Variants in GPHN observed in about 807,000 individuals in gnomAD.
GPHN encodes gephyrin.
A neutral mutation model predicts 95.5 loss-of-function variants in GPHN; 17 were observed. The observed-to-expected ratio is 0.18, with a 90% CI of 0.12 to 0.27. The LOEUF (loss-of-function observed/expected upper bound fraction) is 0.27, where lower values mean the gene tolerates loss of function less well. GPHN is among the 10% of genes least tolerant of loss of function. GPHN has a pLI of 1.00. For missense variants in GPHN, 660 were observed against 978.1 expected (o/e 0.67, Z 4.34); for synonymous variants, 320 against 322.5 (o/e 0.99, Z 0.08).
intron 8 of GPHN, among the ~76,000 whole-genome samples, chr14:66,954,175 C>T (rs1367115591): frequency 6.6e-6 from 1 of 152,158 alleles, no homozygotes; most frequent in Non-Finnish European, 1.5e-5. Flanking sequence ...CTGCAAAACA[C>T]ACCAGTGGGA....
chr14:67,189,941 A>G, the GPHN span, among the ~76,000 whole-genome samples: 1 of 149,786 alleles, frequency 6.7e-6, no homozygotes, highest in African/African-American at 2.5e-5. Context: ...CCTGGGTTCA[A>G]GTGATTCTCC....
the GPHN span, chr14:67,412,012 A>G: frequency 6.5e-7 from 1 of 1,549,624 alleles, no homozygotes; most frequent in Non-Finnish European, 8.7e-7. Context: ...CTCGACGCGC[A>G]CTCACCCTCT....
intron 4 of GPHN, among the ~76,000 whole-genome samples, chr14:66,838,515 C>A (rs935158691): frequency 1.8e-4 from 27 of 152,098 alleles, no homozygotes; most frequent in Non-Finnish European, 3.1e-4. Flanking sequence ...AATCACCTTT[C>A]CAGTTCACCC....
At chr14:67,075,723 T>G (rs1422478352) in intron 11 of GPHN, among the ~76,000 whole-genome samples, 1 of 152,162 alleles carries the variant, frequency 6.6e-6, no homozygotes, top group African/African-American at 2.4e-5. Context: ...GTGGAAGAAG[T>G]AACTACGATG....
intron 2 of GPHN, among the ~76,000 whole-genome samples, chr14:66,706,669 G>A (rs969877996): frequency 1.3e-5 from 2 of 152,132 alleles, no homozygotes; most frequent in Non-Finnish European, 2.9e-5. Flanking sequence ...AACTCAAGAT[G>A]TGTTAAAGAC....
the GPHN span, among the ~76,000 whole-genome samples, chr14:67,577,022 G>T: frequency 6.6e-6 from 1 of 152,182 alleles, no homozygotes; most frequent in African/African-American, 2.4e-5. Flanking sequence ...CAGTAAGAAA[G>T]AGGCCTCCCC....
At chr14:67,297,800 A>G in the GPHN span, among the ~76,000 whole-genome samples, 51 of 152,238 alleles carry the variant, frequency 3.4e-4, no homozygotes, top group East Asian at 1.3e-3. Flanking sequence ...TTTCAGTGCT[A>G]TTTGTCAGAC....
the GPHN span, among the ~76,000 whole-genome samples, chr14:67,468,079 T>A: frequency 6.6e-6 from 1 of 152,072 alleles, no homozygotes; most frequent in Non-Finnish European, 1.5e-5. Context: ...GTTCAAGCGA[T>A]TGTCCTGCCT....
the GPHN span, among the ~76,000 whole-genome samples, chr14:67,546,401 G>A: frequency 2.0e-5 from 3 of 151,868 alleles, no homozygotes; most frequent in Non-Finnish European, 4.4e-5. Flanking sequence ...TTTTGTTTTT[G>A]TTTTTGTTTT....
chr14:66,955,565 T>C (rs111407403), intron 8 of GPHN, among the ~76,000 whole-genome samples: 2 of 152,214 alleles, frequency 1.3e-5, no homozygotes, highest in African/African-American at 4.8e-5. Context: ...TATTTTTTTA[T>C]TATACTTTAA....
At chr14:66,971,915 G>C (rs2069812404) in intron 9 of GPHN, among the ~76,000 whole-genome samples, 1 of 152,134 alleles carries the variant, frequency 6.6e-6, no homozygotes, top group Non-Finnish European at 1.5e-5. Flanking sequence ...GAATGTACTG[G>C]AAGCTCTTAA....
chr14:67,109,077 C>T (rs1197874633), intron 13 of GPHN, among the ~76,000 whole-genome samples: 1 of 152,102 alleles, frequency 6.6e-6, no homozygotes, highest in African/African-American at 2.4e-5. Flanking sequence ...ACCTGCACAG[C>T]ATATTACAGT....
chr14:67,158,402 CTG>C (rs2081750912), intron 18 of GPHN, among the ~76,000 whole-genome samples: 1 of 151,822 alleles, frequency 6.6e-6, no homozygotes, highest in Non-Finnish European at 1.5e-5. Flanking sequence ...CAGAGGATCT[CTG>C]TTACTACTGT....
intron 4 of GPHN, among the ~76,000 whole-genome samples, chr14:66,854,095 G>A (rs1452343157): frequency 1.3e-5 from 2 of 152,154 alleles, no homozygotes; most frequent in African/African-American, 4.8e-5. Context: ...AGAATTAAAA[G>A]TATTAGTTGT....
At chr14:66,647,145 A>C (rs965584678) in intron 1 of GPHN, among the ~76,000 whole-genome samples, 4 of 150,552 alleles carry the variant, frequency 2.7e-5, no homozygotes, top group Admixed American at 1.3e-4. Context: ...GTCTCAGGTC[A>C]TCTTCCTGCC....
the GPHN span, among the ~76,000 whole-genome samples, chr14:67,255,968 G>A: frequency 6.6e-6 from 1 of 152,200 alleles, no homozygotes; most frequent in Non-Finnish European, 1.5e-5. Context: ...ATTACAGACA[G>A]TTGTGAGCCT....
At chr14:67,577,399 C>G in the GPHN span, 1 of 1,582,278 alleles carries the variant, frequency 6.3e-7, no homozygotes. Flanking sequence ...AGACGGAGGC[C>G]CTCAAGCTCT....
chr14:67,317,868 TTA>T, the GPHN span, among the ~76,000 whole-genome samples: 1 of 152,204 alleles, frequency 6.6e-6, no homozygotes, highest in Non-Finnish European at 1.5e-5. Flanking sequence ...CAAGAGAATT[TTA>T]GTTTTATTTT....
intron 4 of GPHN, among the ~76,000 whole-genome samples, chr14:66,871,506 G>A (rs139078413): frequency 1.3e-5 from 2 of 152,278 alleles, no homozygotes; most frequent in East Asian, 1.9e-4. Flanking sequence ...TAACATCCTT[G>A]AGAAGGTGTT....
Sources: gnomAD v4.1 joint callset for allele counts (sites outside exome capture counted in the v4.1 genomes callset) on GRCh38, gnomAD v4.1.1 for gene constraint, MANE v1.5 for transcripts, NCBI Gene and HGNC (gene_info 2026-07-23, HGNC 2026-07-21) for gene names.